The following ZDHHC18 variants were observed in gnomAD, a reference collection of about 807,000 sequenced individuals.
ZDHHC18 encodes the protein zDHHC palmitoyltransferase 18.
Under a neutral mutation model 37.5 loss-of-function variants are expected in ZDHHC18, and 23 were observed. The ratio of observed to expected loss-of-function variants is 0.61; its 90% CI spans 0.44 to 0.87. The LOEUF is 0.87. Ranked by LOEUF, ZDHHC18 falls within the 40% of genes least tolerant of loss-of-function variation. ZDHHC18 has a pLI of 0.00. For missense variants in ZDHHC18, 406 were observed against 525.6 expected (o/e 0.77, Z 2.22); for synonymous variants, 185 against 218.7 (o/e 0.85, Z 1.36).
At chr1:26,837,577 T>C (rs1490216025) in intron 2 of ZDHHC18, among the ~76,000 whole-genome samples, 1 of 151,620 alleles carries the variant, frequency 6.6e-6, no homozygotes, top group Non-Finnish European at 1.5e-5. Flanking sequence ...CCTCCTGGGT[T>C]CAAGTGACTC....
At chr1:26,838,358 C>A (rs2081623122) in intron 2 of ZDHHC18, among the ~76,000 whole-genome samples, 1 of 152,060 alleles carries the variant, frequency 6.6e-6, no homozygotes, top group African/African-American at 2.4e-5. Context: ...CCAGGCTGAT[C>A]TCTCAAACTC....
chr1:26,839,975 G>T (rs1181288703), intron 2 of ZDHHC18, among the ~76,000 whole-genome samples: 1 of 152,226 alleles, frequency 6.6e-6, no homozygotes, highest in Non-Finnish European at 1.5e-5. Context: ...GCACCAGGTG[G>T]ACTCTTGCTC....
At chr1:26,848,354 CCTT>C (rs1029473819) in intron 2 of ZDHHC18, among the ~76,000 whole-genome samples, 7 of 151,988 alleles carry the variant, frequency 4.6e-5, no homozygotes, top group Non-Finnish European at 8.8e-5. Flanking sequence ...CTGGGAGTCT[CCTT>C]CTCTGACAGC....
intron 2 of ZDHHC18, among the ~76,000 whole-genome samples, chr1:26,836,427 C>T (rs893953045): frequency 1.3e-5 from 2 of 152,092 alleles, no homozygotes; most frequent in African/African-American, 2.4e-5. Flanking sequence ...TTGTTCTCCC[C>T]ACCCCTGCCC....
At chr1:26,846,483 T>G (rs561224167) in intron 2 of ZDHHC18, among the ~76,000 whole-genome samples, 1 of 149,020 alleles carries the variant, frequency 6.7e-6, no homozygotes, top group Non-Finnish European at 1.5e-5. Context: ...CCCGCCACCA[T>G]GCCCGGCTGA....
At chr1:26,829,928 C>T (rs928349521) in intron 1 of ZDHHC18, among the ~76,000 whole-genome samples, 1 of 152,182 alleles carries the variant, frequency 6.6e-6, no homozygotes, top group Non-Finnish European at 1.5e-5. Flanking sequence ...TCTGTCCCCC[C>T]ACACAAGTCT....
At position 26,851,250 on chromosome 1, in the gene ZDHHC18, A is replaced by T. The variant is rs549925505; in HGVS notation, c.936+19A>T. ...TGAAGACGTGAGTAAACCTGGAGCC[A>T]CCCCTCATTCTAGGGCAGCGCCCTC... On this transcript the variant is annotated intron_variant, in intron 6 of 7. Transcript: ENST00000374142. The T allele has an allele frequency of 3.1e-6, 5 of 1,611,670 alleles. No homozygotes were observed. The African/African-American group carries it at 6.7e-5, about 21-fold the overall frequency.
chr1:26,834,763 C>T (rs2124250505), intron 2 of ZDHHC18, among the ~76,000 whole-genome samples: 1 of 152,316 alleles, frequency 6.6e-6, no homozygotes, highest in Non-Finnish European at 1.5e-5. Flanking sequence ...GTCAGGGTGA[C>T]AGGTGAGGAA....
chr1:26,829,456 T>G (rs2081574246), intron 1 of ZDHHC18, among the ~76,000 whole-genome samples: 1 of 152,076 alleles, frequency 6.6e-6, no homozygotes, highest in African/African-American at 2.4e-5. Flanking sequence ...GTGCTTGGAA[T>G]CCCCTTCCTG....
rs1283478375 is a variant in ZDHHC18 at position 26,832,554 on chromosome 1, G to A, written c.443G>A (p.Gly148Glu). 2 of 1,614,036 alleles carry A rather than the reference G, an allele frequency of 1.2e-6. No homozygotes were observed. The highest frequency in any genetic ancestry group is 2.7e-5 in the African/African-American group (2 of 74,918). Residue 148 changes from glycine (G) to glutamate (E), a missense_variant, in exon 2 of 8, where the codon GGG becomes GAG. Gly to Glu is a moderately conservative substitution (Grantham distance 98). Transcript: ENST00000374142. Reference sequence around the variant, plus strand: ...CTGCAGACAAGCTTCACCGACCCTGGGATCCTGCCCCGGGCCACTGTCTGT... The same window carrying A: ...CTGCAGACAAGCTTCACCGACCCTGAGATCCTGCCCCGGGCCACTGTCTGT... ...CLLQTSFTDPGILPRATVCEA... is the reference protein window; with the variant it reads ...CLLQTSFTDPEILPRATVCEA...
intron 2 of ZDHHC18, among the ~76,000 whole-genome samples, chr1:26,841,873 C>T (rs1379156714): frequency 1.3e-5 from 2 of 151,958 alleles, no homozygotes; most frequent in South Asian, 2.1e-4. Context: ...CGGTGGCTCA[C>T]GCCTGTAATC....
chr1:26,829,137 G>A (rs2081572327), intron 1 of ZDHHC18, among the ~76,000 whole-genome samples: 2 of 152,148 alleles, frequency 1.3e-5, no homozygotes, highest in African/African-American at 4.8e-5. Context: ...AAGAGTTTGG[G>A]TTTGGGCCGA....
chr1:26,846,316 T>A (rs1331472783), intron 2 of ZDHHC18, among the ~76,000 whole-genome samples: 155 of 57,252 alleles, frequency 2.7e-3, no homozygotes, highest in African/African-American at 5.0e-3. Context: ...ATATATTTTT[T>A]TTTTTTTTTT....
chr1:26,834,059 G>C (rs1180896057), intron 2 of ZDHHC18, among the ~76,000 whole-genome samples: 1 of 152,110 alleles, frequency 6.6e-6, no homozygotes, highest in African/African-American at 2.4e-5. Context: ...AGGATCCCAC[G>C]GTCTGACCTG....
rs1204968188 is a variant in ZDHHC18, at chr1:26,846,325, T to A, written c.497-2283T>A. 1.3e-4 allele frequency among the ~76,000 whole-genome samples: 11 copies of A among 85,714 alleles called. No homozygotes were observed. The South Asian group carries it at 4.1e-3, about 32-fold the overall frequency. The allele number at this position is 85,714 out of a possible 152,430, so 56.2% of individuals were successfully genotyped here. A position where few individuals can be genotyped will look rare whatever the true frequency, so the allele number is the denominator to read the frequency against. On this transcript the variant is annotated intron_variant, in intron 2 of 7. Coordinates refer to ENST00000374142, the MANE Select transcript of ZDHHC18 (RefSeq NM_032283.3). The stretch of plus-strand genomic sequence containing the variant: ...ATATATATATATTTTTTTTTTTTTT[T>A]TTTTTTTTTTTTTTTTTTTGAGGCA...
At chr1:26,836,644 C>T (rs138601298) in intron 2 of ZDHHC18, among the ~76,000 whole-genome samples, 5,240 of 149,818 alleles carry the variant, frequency 0.035, 316 homozygotes, top group African/African-American at 0.12. Context: ...TCTCAGCTCA[C>T]TGCAACCTCT....
Position 26,852,743 on chromosome 1 carries a change from C to G in ZDHHC18, c.937-10C>G, listed in dbSNP as rs1228241248. ...GAGGTACTTGACCTAGGCCTCCTTC[C>G]TGCTTGCAGATCAAAGGCTCGTGGT... is the stretch of plus-strand genomic sequence containing the variant. On this transcript the variant is annotated splice_polypyrimidine_tract_variant and intron_variant, in intron 6 of 7. Transcript: ENST00000374142. The G allele has an allele frequency of 1.2e-6, 2 of 1,613,528 alleles. No individual in the cohort carries two copies. Among genetic ancestry groups the G allele is most frequent in the Non-Finnish European group, 1.7e-6 (2 of 1,179,534 alleles).
At chr1:26,851,670 G>A (rs761563146) in intron 6 of ZDHHC18, among the ~76,000 whole-genome samples, 2 of 152,232 alleles carry the variant, frequency 1.3e-5, no homozygotes, top group African/African-American at 2.4e-5. Context: ...TCACACAGCT[G>A]GGAGGGGACA....
intron 1 of ZDHHC18, 22 bp downstream of exon 1, chr1:26,827,161 C>G: frequency 7.3e-7 from 1 of 1,364,192 alleles, no homozygotes; most frequent in Non-Finnish European, 9.4e-7. Flanking sequence ...TGCCTCGGCG[C>G]CCCCTCCCAG....
Sources: gnomAD v4.1 joint callset for allele counts (sites outside exome capture counted in the v4.1 genomes callset) on GRCh38, gnomAD v4.1.1 for gene constraint, MANE v1.5 for transcripts, NCBI Gene and HGNC (gene_info 2026-07-23, HGNC 2026-07-21) for gene names.